The following RGS6 variants were observed in gnomAD, a reference collection of about 807,000 sequenced individuals.
The protein encoded by RGS6 is regulator of G protein signaling 6, also known as regulator of G-protein signaling 6.
Under a neutral mutation model 78.5 loss-of-function variants are expected in RGS6, and 30 were observed. The ratio of observed to expected loss-of-function variants is 0.38; its 90% CI spans 0.29 to 0.52. The LOEUF is 0.52. Among genes scored for constraint, RGS6 ranks in the 20% least tolerant of loss-of-function variants. The probability of loss-of-function intolerance (pLI) is 0.85; values close to 1 mark genes in which losing one functional copy is unlikely to be tolerated. For synonymous variants in RGS6, 206 were observed against 206.0 expected (o/e 1.00, Z 0.00); for missense variants, 495 against 609.7 (o/e 0.81, Z 1.98).
At chr14:72,469,836 C>T (rs150057154) in intron 7 of RGS6, 171 bp from the exon 8 acceptor site, 38 of 605,764 alleles carry the variant, frequency 6.3e-5, no homozygotes, top group Middle Eastern at 4.3e-4. Context: ...CAGCTCTGTA[C>T]GGAGGGTCTG....
At chr14:72,249,477 C>A (rs932530606) in intron 2 of RGS6, among the ~76,000 whole-genome samples, 1 of 152,136 alleles carries the variant, frequency 6.6e-6, no homozygotes, top group Non-Finnish European at 1.5e-5. Flanking sequence ...CTCAAAATAA[C>A]CAGTTCAAAA....
intron 2 of RGS6, among the ~76,000 whole-genome samples, chr14:72,237,656 G>A (rs1310724651): frequency 2.6e-5 from 4 of 152,158 alleles, no homozygotes; most frequent in African/African-American, 9.7e-5. Flanking sequence ...AGACGGGAGA[G>A]TTCCCTTGAC....
At chr14:72,245,321 G>A (rs1180288995) in intron 2 of RGS6, among the ~76,000 whole-genome samples, 1 of 152,218 alleles carries the variant, frequency 6.6e-6, no homozygotes, top group Non-Finnish European at 1.5e-5. Context: ...ATATAGAGGT[G>A]TGAAGTGGGA....
At chr14:72,389,190 G>T (rs971045619) in intron 3 of RGS6, among the ~76,000 whole-genome samples, 1 of 152,260 alleles carries the variant, frequency 6.6e-6, no homozygotes, top group Non-Finnish European at 1.5e-5. Context: ...TATTTCCCTT[G>T]AGAAGTGGAG....
chr14:72,360,364 A>G (rs2081203613), intron 3 of RGS6, among the ~76,000 whole-genome samples: 1 of 150,090 alleles, frequency 6.7e-6, no homozygotes, highest in African/African-American at 2.4e-5. Context: ...TACTAAAAAT[A>G]CAAAAAAATT....
chr14:72,017,139 C>T (rs1213627022), intron 2 of RGS6, among the ~76,000 whole-genome samples: 2 of 152,144 alleles, frequency 1.3e-5, no homozygotes, highest in Non-Finnish European at 1.5e-5. Context: ...GCTCAAGTGA[C>T]CCTTGTGCCA....
At chr14:72,535,637 G>C (rs1467115250) in intron 15 of RGS6, among the ~76,000 whole-genome samples, 1 of 152,120 alleles carries the variant, frequency 6.6e-6, no homozygotes, top group Non-Finnish European at 1.5e-5. Context: ...TCAAAATACA[G>C]AACCATTCTG....
At chr14:72,003,414 G>A (rs557166606) in intron 2 of RGS6, among the ~76,000 whole-genome samples, 125 of 152,216 alleles carry the variant, frequency 8.2e-4, no homozygotes, top group African/African-American at 2.9e-3. Flanking sequence ...TCACAGTTTT[G>A]TGCAACTGTC....
chr14:72,299,807 G>A (rs538845206), intron 2 of RGS6, among the ~76,000 whole-genome samples: 5 of 152,238 alleles, frequency 3.3e-5, no homozygotes, highest in Admixed American at 3.3e-4. Context: ...ATTCAGCCTT[G>A]TTATCCTTTA....
intron 2 of RGS6, among the ~76,000 whole-genome samples, chr14:72,019,374 A>G (rs961301166): frequency 6.6e-6 from 1 of 152,364 alleles, no homozygotes; most frequent in Admixed American, 6.5e-5. Context: ...CTAAGATAGA[A>G]TAATGATCAT....
intron 2 of RGS6, among the ~76,000 whole-genome samples, chr14:72,003,308 T>C (rs950196749): frequency 6.6e-6 from 1 of 152,222 alleles, no homozygotes; most frequent in African/African-American, 2.4e-5. Context: ...ACGTTGTTGG[T>C]ATATTATTAC....
the RGS6 span, among the ~76,000 whole-genome samples, chr14:71,924,297 G>A: frequency 6.6e-6 from 1 of 152,128 alleles, no homozygotes; most frequent in East Asian, 1.9e-4. Context: ...TGTTTAAGGT[G>A]TACAGCATGA....
At chr14:72,423,379 T>C (rs549863611) in intron 3 of RGS6, among the ~76,000 whole-genome samples, 8 of 152,274 alleles carry the variant, frequency 5.3e-5, no homozygotes, top group African/African-American at 1.7e-4. Context: ...GTCTGGTCTC[T>C]AATTATAAGA....
intron 9 of RGS6, among the ~76,000 whole-genome samples, chr14:72,474,341 T>A (rs550672617): frequency 6.6e-6 from 1 of 152,228 alleles, no homozygotes; most frequent in Non-Finnish European, 1.5e-5. Flanking sequence ...TAAAAAAAAA[T>A]TTTAAGGACT....
chr14:72,052,528 G>T (rs2093313668), intron 2 of RGS6, among the ~76,000 whole-genome samples: 1 of 152,146 alleles, frequency 6.6e-6, no homozygotes, highest in Admixed American at 6.5e-5. Context: ...GGTAGACAAG[G>T]CTTATTCTGA....
chr14:72,412,832 A>C (rs1390825019), intron 3 of RGS6, among the ~76,000 whole-genome samples: 1 of 152,194 alleles, frequency 6.6e-6, no homozygotes, highest in Non-Finnish European at 1.5e-5. Context: ...TGTACCCAGT[A>C]GTCATTCAGG....
At chr14:72,585,475 A>G in the RGS6 span, among the ~76,000 whole-genome samples, 1 of 152,236 alleles carries the variant, frequency 6.6e-6, no homozygotes, top group Non-Finnish European at 1.5e-5. Flanking sequence ...TTGAGCTGCA[A>G]CAAAGTCTCA....
At chr14:72,446,170 T>C (rs557011331) in intron 3 of RGS6, among the ~76,000 whole-genome samples, 3 of 152,264 alleles carry the variant, frequency 2.0e-5, no homozygotes, top group African/African-American at 7.2e-5. Context: ...GGGAGAGGCC[T>C]GGGACAGATT....
At chr14:72,531,947 C>G (rs1454339798) in intron 15 of RGS6, among the ~76,000 whole-genome samples, 1 of 152,206 alleles carries the variant, frequency 6.6e-6, no homozygotes, top group Non-Finnish European at 1.5e-5. Context: ...CCAATGTCTT[C>G]CCAGTCCTTC....
Sources: gnomAD v4.1 joint callset for allele counts (sites outside exome capture counted in the v4.1 genomes callset) on GRCh38, gnomAD v4.1.1 for gene constraint, MANE v1.5 for transcripts, NCBI Gene and HGNC (gene_info 2026-07-23, HGNC 2026-07-21) for gene names.